Variants in GRM7 observed in about 807,000 individuals in gnomAD.
GRM7 encodes glutamate metabotropic receptor 7, also known as metabotropic glutamate receptor 7.
Under a neutral mutation model 84.5 loss-of-function variants are expected in GRM7, and 35 were observed. The ratio of observed to expected loss-of-function variants is 0.41; its 90% CI spans 0.32 to 0.55. The LOEUF (loss-of-function observed/expected upper bound fraction) is 0.55. GRM7 is among the 20% of genes least tolerant of loss of function. GRM7 has a pLI of 0.19. For missense variants in GRM7, 1,003 were observed against 1,194.6 expected (o/e 0.84, Z 2.36); for synonymous variants, 487 against 455.1 (o/e 1.07, Z -0.89).
In GRM7 at chr3:7,111,858, T is replaced by C. The variant is rs141262746; in HGVS notation, c.520-34594T>C. On this transcript the variant is annotated intron_variant, in intron 1 of 9. Transcript: ENST00000357716. Reference sequence around the variant, plus strand: ...TTTTTCTCCAAAGTGAACATACCTATGTAACCAACATCTGAATCAAGAAGA... The same window carrying C: ...TTTTTCTCCAAAGTGAACATACCTACGTAACCAACATCTGAATCAAGAAGA... Among the ~76,000 whole-genome samples, 691 of 152,286 alleles carry C rather than the reference T, an allele frequency of 4.5e-3. 5 individuals are homozygous for C. The highest frequency in any genetic ancestry group is 0.015 in the African/African-American group (642 of 41,574).
chr3:6,945,075 A>T (rs574174263), intron 1 of GRM7, among the ~76,000 whole-genome samples: 26 of 150,976 alleles, frequency 1.7e-4, no homozygotes, highest in African/African-American at 5.8e-4. Context: ...ATTTTTTTAA[A>T]TTATACTTTA....
At chr3:7,090,019 T>C (rs60879450) in intron 1 of GRM7, among the ~76,000 whole-genome samples, 26,428 of 151,944 alleles carry the variant, frequency 0.17, 2,371 homozygotes, top group South Asian at 0.2. Context: ...ATTTTTGTAT[T>C]TCTGGCAGAG....
intron 1 of GRM7, among the ~76,000 whole-genome samples, chr3:6,924,747 A>G (rs537824229): frequency 6.6e-6 from 1 of 152,284 alleles, no homozygotes; most frequent in East Asian, 1.9e-4. Context: ...AATTAAAGAA[A>G]CTCAGAGTAT....
At chr3:7,301,940 G>C (rs1700016818) in intron 3 of GRM7, among the ~76,000 whole-genome samples, 1 of 152,108 alleles carries the variant, frequency 6.6e-6, no homozygotes, top group African/African-American at 2.4e-5. Flanking sequence ...TTAATATCTA[G>C]ATTTTAAAGC....
chr3:6,958,239 CT>C (rs60986157), intron 1 of GRM7, among the ~76,000 whole-genome samples: 106,131 of 145,418 alleles, frequency 0.73, 39,106 homozygotes, highest in African/African-American at 0.9. Context: ...TGGTATCAGG[CT>C]TTTTTTTTTT....
In GRM7 at chr3:6,862,920, C is replaced by G. The variant is rs533864349; in HGVS notation, c.519+1013C>G. On this transcript the variant is annotated intron_variant, in intron 1 of 9. Transcript: ENST00000357716. This position sits in a 1 kb window ranked among gnomAD's most constrained non-coding sequence, Gnocchi z 5.2. ...AATGGGAGGAAGGCGGATCCGGGGC[C>G]GCTGAGCGGTGGGTTCTGCCGCAGT... 1 of 434,556 alleles carries G rather than the reference C, an allele frequency of 2.3e-6. No homozygotes were observed. The highest frequency in any genetic ancestry group is 1.6e-5 in the South Asian group (1 of 61,458). The allele number at this position is 434,556 out of a possible 1,614,324, so 26.9% of individuals were successfully genotyped here. A position where few individuals can be genotyped will look rare whatever the true frequency, so the allele number is the denominator to read the frequency against.
chr3:7,685,857 C>T (rs978695344), intron 9 of GRM7, among the ~76,000 whole-genome samples: 4 of 151,230 alleles, frequency 2.6e-5, no homozygotes, highest in African/African-American at 9.7e-5. Flanking sequence ...AAACTCTACA[C>T]AAATAATGGT....
chr3:7,593,375 T>G (rs182926754), intron 8 of GRM7, among the ~76,000 whole-genome samples: 141 of 152,292 alleles, frequency 9.3e-4, no homozygotes, highest in African/African-American at 3.0e-3. Context: ...CAGGTACATA[T>G]TTAGGTGCCA....
intron 1 of GRM7, among the ~76,000 whole-genome samples, chr3:7,091,987 T>C (rs1442715402): frequency 1.3e-5 from 2 of 151,654 alleles, no homozygotes; most frequent in African/African-American, 4.8e-5. Flanking sequence ...GTATTCAGTT[T>C]TTATTTTATT....
intron 4 of GRM7, among the ~76,000 whole-genome samples, chr3:7,340,104 C>T (rs1221289918): frequency 1.3e-5 from 2 of 152,062 alleles, no homozygotes; most frequent in Non-Finnish European, 2.9e-5. Context: ...ATCACAGTCA[C>T]TAGGATAGTT....
intron 7 of GRM7, among the ~76,000 whole-genome samples, chr3:7,491,191 T>C (rs893242564): frequency 6.6e-6 from 1 of 151,962 alleles, no homozygotes; most frequent in Non-Finnish European, 1.5e-5. Context: ...TATTTGCTTA[T>C]ATTAGGTATT....
chr3:7,568,981 G>A (rs887213748), intron 7 of GRM7, among the ~76,000 whole-genome samples: 4 of 152,182 alleles, frequency 2.6e-5, no homozygotes, highest in Admixed American at 2.0e-4. Context: ...GAGTGCGGGC[G>A]CACATTGGGG....
intron 1 of GRM7, among the ~76,000 whole-genome samples, chr3:7,043,961 T>G (rs1039557070): frequency 1.4e-4 from 22 of 152,198 alleles, no homozygotes; most frequent in African/African-American, 4.6e-4. Flanking sequence ...AATACAGGCA[T>G]GTACCGCCCC....
Position 7,661,946 on chromosome 3 carries a change from A to G in GRM7, c.2452-18103A>G, listed in dbSNP as rs1699477110. Reference sequence around the variant, plus strand: ...ATCCCCCCCAATGAAAAATATGTATATAGTCCTACACATGAATATTAGTGA... The same window carrying G: ...ATCCCCCCCAATGAAAAATATGTATGTAGTCCTACACATGAATATTAGTGA... On this transcript the variant is annotated intron_variant, in intron 8 of 9. Transcript: ENST00000357716. Among the ~76,000 whole-genome samples, 3 of 152,094 alleles carry G rather than the reference A, an allele frequency of 2.0e-5. No individual in the cohort carries two copies. In the South Asian group the frequency reaches 6.2e-4, roughly 31 times the overall value.
At chr3:7,003,983 A>G (rs562804966) in intron 1 of GRM7, among the ~76,000 whole-genome samples, 1 of 152,308 alleles carries the variant, frequency 6.6e-6, no homozygotes, top group South Asian at 2.1e-4. Context: ...CTGTGGTTGC[A>G]GGAGGGAGGC....
At chr3:7,161,249 C>T (rs1002372169) in intron 2 of GRM7, among the ~76,000 whole-genome samples, 13 of 151,850 alleles carry the variant, frequency 8.6e-5, no homozygotes, top group Non-Finnish European at 1.2e-4. Context: ...GTGTAGGTGT[C>T]CACGGTTCCC....
intron 2 of GRM7, among the ~76,000 whole-genome samples, chr3:7,274,022 A>G (rs536688313): frequency 3.0e-4 from 46 of 151,904 alleles, no homozygotes; most frequent in African/African-American, 1.1e-3. Context: ...TATATTGATT[A>G]TATTATTTTT....
At chr3:6,990,326 C>G (rs1021045734) in intron 1 of GRM7, among the ~76,000 whole-genome samples, 1 of 152,186 alleles carries the variant, frequency 6.6e-6, no homozygotes, top group South Asian at 2.1e-4. Flanking sequence ...GCAAATAAAT[C>G]TAATGGCAGT....
chr3:7,282,731 A>G (rs6779225), intron 2 of GRM7, among the ~76,000 whole-genome samples: 176 of 152,226 alleles, frequency 1.2e-3, no homozygotes, highest in African/African-American at 4.0e-3. Flanking sequence ...TTTTTTTTGC[A>G]GTGCTTCTCA....
Sources: allele counts gnomAD v4.1 joint callset (sites outside exome capture counted in the v4.1 genomes callset), GRCh38; gene constraint gnomAD v4.1.1; non-coding constraint Gnocchi (gnomAD v3.1); transcripts MANE v1.5; gene names NCBI Gene and HGNC (gene_info 2026-07-23, HGNC 2026-07-21).